IL1RAP: variants seen among roughly 807,000 people sequenced by gnomAD.
The protein encoded by IL1RAP is interleukin-1 receptor accessory protein.
Under a neutral mutation model 60.7 loss-of-function variants are expected in IL1RAP, and 35 were observed. The observed-to-expected ratio is 0.58, with a 90% confidence interval of 0.44 to 0.76. IL1RAP has a LOEUF of 0.76. IL1RAP is among the 30% of genes least tolerant of loss of function. IL1RAP has a pLI of 0.00. For missense variants in IL1RAP, 572 were observed against 693.9 expected, an observed-to-expected ratio of 0.82 and a Z score of 1.97; for synonymous variants, 268 against 250.9, an observed-to-expected ratio of 1.07 and a Z score of -0.64.
At chr3:190,634,012 T>C (rs1457869830) in intron 9 of IL1RAP, among the ~76,000 whole-genome samples, 2 of 152,192 alleles carry the variant, frequency 1.3e-5, no homozygotes, top group Admixed American at 1.3e-4. Context: ...GACCTTTATT[T>C]TCATGAGCAA....
intron 3 of IL1RAP, among the ~76,000 whole-genome samples, chr3:190,569,705 T>C (rs1199205353): frequency 6.6e-6 from 1 of 152,194 alleles, no homozygotes; most frequent in Non-Finnish European, 1.5e-5. Context: ...ACCACATAAT[T>C]GGCTTGATAC....
chr3:190,643,549 A>G (rs1275848906), intron 9 of IL1RAP, among the ~76,000 whole-genome samples: 3 of 152,184 alleles, frequency 2.0e-5, no homozygotes, highest in Admixed American at 1.3e-4. Flanking sequence ...AAATAAGTAG[A>G]TAATGCAGAA....
chr3:190,579,017 G>A (rs1727751153), intron 3 of IL1RAP, among the ~76,000 whole-genome samples: 1 of 152,140 alleles, frequency 6.6e-6, no homozygotes, highest in Non-Finnish European at 1.5e-5. Context: ...CAGATACTTA[G>A]CCCTAAACCT....
rs568910972 is a variant in IL1RAP, at chr3:190,603,034, G to GT, written c.65-1085dup. 5.8e-3 allele frequency among the ~76,000 whole-genome samples: 867 copies of GT among 150,240 alleles called. 10 individuals are homozygous for GT. Among genetic ancestry groups the GT allele is most frequent in the African/African-American group, 0.02 (830 of 40,974 alleles). On this transcript the variant is annotated intron_variant, in intron 3 of 11. Coordinates refer to ENST00000447382, the MANE Select transcript of IL1RAP (RefSeq NM_002182.4). Reference sequence around the variant, plus strand: ...AGAAAAAATTCTTTAAAAGAAGTTTGTTTTTTTTTCTGAGTAGATGAGTGA... The same window carrying GT: ...AGAAAAAATTCTTTAAAAGAAGTTTGTTTTTTTTTTCTGAGTAGATGAGTGA...
At chr3:190,564,704 T>C (rs1012239413) in intron 3 of IL1RAP, 1 of 227,958 alleles carries the variant, frequency 4.4e-6, no homozygotes, top group Non-Finnish European at 8.9e-6. Flanking sequence ...TTTTTCAAAT[T>C]TGAGCCAGTG....
chr3:190,531,155 G>A (rs1722951699), intron 1 of IL1RAP, among the ~76,000 whole-genome samples: 1 of 152,124 alleles, frequency 6.6e-6, no homozygotes, highest in Non-Finnish European at 1.5e-5. Context: ...GGGAACTGAG[G>A]TGGGAGGGTC....
chr3:190,609,299 G>T (rs546504212), intron 5 of IL1RAP, 118 bp downstream of exon 5: 54 of 644,732 alleles, frequency 8.4e-5, no homozygotes, highest in Middle Eastern at 4.3e-4. Context: ...GATCTATTCC[G>T]TAATAGCTTT....
At chr3:190,522,078 G>C (rs1432674278) in intron 1 of IL1RAP, among the ~76,000 whole-genome samples, 2 of 152,096 alleles carry the variant, frequency 1.3e-5, no homozygotes, top group African/African-American at 2.4e-5. Context: ...TACACACTAA[G>C]TAGCACTTTT....
At chr3:190,525,155 A>G (rs1391002990) in intron 1 of IL1RAP, among the ~76,000 whole-genome samples, 2 of 152,216 alleles carry the variant, frequency 1.3e-5, no homozygotes, top group African/African-American at 4.8e-5. Context: ...TGTACATATG[A>G]GTCAAGAGAC....
intron 1 of IL1RAP, among the ~76,000 whole-genome samples, chr3:190,522,394 T>A (rs757713297): frequency 1.5e-5 from 2 of 134,736 alleles, no homozygotes; most frequent in African/African-American, 3.2e-5. Context: ...TATGTATCTT[T>A]CTATGTATCT....
At chr3:190,576,841 C>T (rs556517567) in intron 3 of IL1RAP, among the ~76,000 whole-genome samples, 66 of 152,304 alleles carry the variant, frequency 4.3e-4, no homozygotes, top group African/African-American at 1.5e-3. Flanking sequence ...TGGCCGGGCG[C>T]GGTGGCTCAC....
intron 2 of IL1RAP, among the ~76,000 whole-genome samples, chr3:190,562,944 G>A (rs559460128): frequency 6.6e-6 from 1 of 152,200 alleles, no homozygotes; most frequent in Admixed American, 6.5e-5. Context: ...GATATGACGA[G>A]CTCACCTGTG....
At chr3:190,588,837 C>T (rs1728696276) in intron 3 of IL1RAP, among the ~76,000 whole-genome samples, 1 of 152,138 alleles carries the variant, frequency 6.6e-6, no homozygotes, top group Non-Finnish European at 1.5e-5. Flanking sequence ...ATAAGCTCAA[C>T]ATAAAAGTAC....
chr3:190,606,669 A>T (rs1369704418), intron 4 of IL1RAP, among the ~76,000 whole-genome samples: 2 of 152,154 alleles, frequency 1.3e-5, no homozygotes, highest in Admixed American at 6.6e-5. Context: ...CAACTTTCAG[A>T]TTGTCACCTC....
intron 3 of IL1RAP, among the ~76,000 whole-genome samples, chr3:190,590,926 T>G (rs1728887075): frequency 6.6e-6 from 1 of 152,222 alleles, no homozygotes; most frequent in South Asian, 2.1e-4. Context: ...AGAGGAATGA[T>G]TTTATACTTG....
At chr3:190,608,065 C>G (rs1451361648) in intron 4 of IL1RAP, among the ~76,000 whole-genome samples, 7 of 152,178 alleles carry the variant, frequency 4.6e-5, no homozygotes, top group Admixed American at 6.6e-5. Flanking sequence ...TCTGCCTTAC[C>G]AGCACTGAGC....
At chr3:190,552,354 T>C (rs2108592660) in intron 1 of IL1RAP, among the ~76,000 whole-genome samples, 1 of 152,342 alleles carries the variant, frequency 6.6e-6, no homozygotes, top group Middle Eastern at 3.4e-3. Context: ...AATACCTTTT[T>C]GAATTTAGTC....
chr3:190,534,607 G>T (rs1192270536), intron 1 of IL1RAP, among the ~76,000 whole-genome samples: 1 of 152,122 alleles, frequency 6.6e-6, no homozygotes, highest in African/African-American at 2.4e-5. Context: ...CCGAGTAGCT[G>T]TCTTCTTTTG....
chr3:190,545,950 G>A (rs999197512), intron 1 of IL1RAP, among the ~76,000 whole-genome samples: 1 of 152,128 alleles, frequency 6.6e-6, no homozygotes, highest in African/African-American at 2.4e-5. Context: ...AATGGGAATG[G>A]CTTTCATTCC....
Sources: allele counts gnomAD v4.1 joint callset (sites outside exome capture counted in the v4.1 genomes callset), GRCh38; gene constraint gnomAD v4.1.1; transcripts MANE v1.5; gene names NCBI Gene and HGNC (gene_info 2026-07-23, HGNC 2026-07-21).